PGLYRP4: variants seen among roughly 807,000 people sequenced by gnomAD.
The protein encoded by PGLYRP4 is PGRP-I-beta.
In PGLYRP4, 39 loss-of-function variants were observed where a neutral mutation model predicts 41.2. That is an observed-to-expected ratio of 0.95 (90% CI 0.73 to 1.24). The LOEUF is 1.24. PGLYRP4 is among the 50% of genes most tolerant of loss of function. The pLI, the probability that PGLYRP4 is intolerant of heterozygous loss-of-function variation, is 0.00. For missense variants in PGLYRP4, 467 were observed against 460.7 expected, an observed-to-expected ratio of 1.01 and a Z score of -0.13; for synonymous variants, 202 against 186.8, an observed-to-expected ratio of 1.08 and a Z score of -0.66.
chr1:153,339,537 T>A (rs1014363758), intron 7 of PGLYRP4, among the ~76,000 whole-genome samples: 1 of 152,214 alleles, frequency 6.6e-6, no homozygotes, highest in Non-Finnish European at 1.5e-5. Flanking sequence ...CAGTAGCTTT[T>A]TCTGAGATTT....
At chr1:153,332,052 G>A (rs1388954090) in intron 8 of PGLYRP4, among the ~76,000 whole-genome samples, 6 of 152,056 alleles carry the variant, frequency 3.9e-5, no homozygotes, top group Non-Finnish European at 7.4e-5. Context: ...AAATCCAACT[G>A]TATGCTGCTT....
At chr1:153,340,644 G>A (rs1029126128) in intron 6 of PGLYRP4, 65 bp from the exon 7 acceptor site, 88 of 1,514,542 alleles carry the variant, frequency 5.8e-5, no homozygotes, top group Admixed American at 3.0e-4. Flanking sequence ...CTTCTCCACC[G>A]TAGGCTGATA....
At chr1:153,332,400 GAA>G (rs1394693100) in intron 8 of PGLYRP4, among the ~76,000 whole-genome samples, 1 of 151,978 alleles carries the variant, frequency 6.6e-6, no homozygotes, top group Non-Finnish European at 1.5e-5. Flanking sequence ...CTAGACCTAA[GAA>G]AAGAGATGAA....
rs923736360 is a variant in PGLYRP4 at position 153,330,520 on chromosome 1, G to C, written c.*247C>G. 2.7e-5 allele frequency: 8 copies of C among 297,136 alleles called. No homozygotes were observed. The highest frequency in any genetic ancestry group is 1.5e-4 in the African/African-American group (7 of 47,598). The allele number at this position is 297,136 out of a possible 1,614,324, so 18.4% of individuals were successfully genotyped here. On this transcript the variant is annotated 3_prime_UTR_variant, in exon 9 of 9. Coordinates refer to ENST00000359650, the MANE Select transcript of PGLYRP4 (RefSeq NM_020393.4). ...TGGCTGAGGAGTTGGGTTTCCAAGG[G>C]AGAGGAAGGTAAGGAGAGAAGAAAT...
intron 6 of PGLYRP4, among the ~76,000 whole-genome samples, chr1:153,341,383 G>A (rs961190900): frequency 3.3e-5 from 5 of 152,198 alleles, no homozygotes; most frequent in African/African-American, 9.7e-5. Flanking sequence ...AGAAAGGAGT[G>A]TGCATATATG....
At chr1:153,336,265 G>T (rs1303277100) in intron 8 of PGLYRP4, among the ~76,000 whole-genome samples, 2 of 149,742 alleles carry the variant, frequency 1.3e-5, no homozygotes, top group Non-Finnish European at 3.0e-5. Context: ...TAGCTACTCG[G>T]GAGGTTGAGG....
At position 153,346,116 on chromosome 1, in the gene PGLYRP4, T is replaced by C. The variant is rs1311610016; in HGVS notation, c.125A>G (p.Gln42Arg). ...ATCCAGTTTACCTTTTTCAGTGAGC[T>C]GGGAGATGTTCTCAAATAGGTACTG... ...GLQYLFENIS[Q>R]LTEKGLPTDV... The change falls in exon 3 of 9, where the codon CAG becomes CGG. Residue 42 changes from glutamine (Q) to arginine (R), a missense_variant. Physicochemically the swap from Gln to Arg is conservative, Grantham distance 43 (BLOSUM62 1). Transcript: ENST00000359650. The C allele has an allele frequency of 6.2e-7, 1 of 1,612,710 alleles. No homozygotes were observed.
chr1:153,344,939 C>T, intron 4 of PGLYRP4: 1 of 528,030 alleles, frequency 1.9e-6, no homozygotes, highest in South Asian at 2.2e-5. Flanking sequence ...GTAGAGAATA[C>T]AGTTATTACT....
chr1:153,341,645 T>G lies in PGLYRP4; in HGVS notation c.607A>C (p.Lys203Gln). Residue 203 changes from lysine (K) to glutamine (Q), a missense_variant, in exon 6 of 9, where the codon AAG becomes CAG. Lys to Gln is a moderately conservative substitution (Grantham distance 53). Transcript: ENST00000359650. ...GTCTTACCCTTCTTCAGGCTTGTCT[T>G]CTGCCGAGGGGCCAGGCAGTTCTCG... ...KGENCLAPRQ[K>Q]TSLKKACPGV... 1 of 1,612,966 alleles carries G rather than the reference T, an allele frequency of 6.2e-7. No homozygotes were observed. Among genetic ancestry groups the G allele is most frequent in the East Asian group, 2.2e-5 (1 of 44,880 alleles).
At chr1:153,331,028 A>G (rs1660315113) in intron 8 of PGLYRP4, 83 bp from the exon 9 acceptor site, 1 of 1,164,414 alleles carries the variant, frequency 8.6e-7, no homozygotes, top group South Asian at 1.7e-5. Flanking sequence ...CACCCTCATC[A>G]CCAAGCTAAT....
chr1:153,331,455 C>T (rs1476700616), intron 8 of PGLYRP4, among the ~76,000 whole-genome samples: 1 of 152,196 alleles, frequency 6.6e-6, no homozygotes, highest in Non-Finnish European at 1.5e-5. Flanking sequence ...TAGCTCAATG[C>T]TCAGCCCAGT....
rs771696153 is a variant in PGLYRP4 at position 153,346,208 on chromosome 1, C to T, written c.50-17G>A. 35 of 1,593,860 alleles carry T rather than the reference C, an allele frequency of 2.2e-5. No homozygotes were observed. In the East Asian group the frequency reaches 7.6e-4, roughly 35 times the overall value. ...AGGAATCACCTGCAAAGGAATATCC[C>T]ATTTTGCATCAGAGAGCACCAATAC... On this transcript the variant is annotated splice_polypyrimidine_tract_variant and intron_variant, in intron 2 of 8. Coordinates refer to ENST00000359650, the MANE Select transcript of PGLYRP4 (RefSeq NM_020393.4).
chr1:153,346,076 C>A, intron 3 of PGLYRP4, 26 bp downstream of exon 3: 1 of 1,548,890 alleles, frequency 6.5e-7, no homozygotes, highest in Non-Finnish European at 8.9e-7. Flanking sequence ...GTCCCAAAAC[C>A]CCCTTACTAT....
At position 153,343,147 on chromosome 1, in the gene PGLYRP4, G is replaced by A. The variant is rs779521753; in HGVS notation, c.415C>T (p.His139Tyr). ...GAGATGTTGTTGTAGCCTTGGGTGT[G>A]CACTCCTTGGATATTCCAGCCAACA... is the stretch of plus-strand genomic sequence containing the variant. ...EGVGWNIQGV[H>Y]TQGYNNISLG... Residue 139 changes from histidine to tyrosine, a missense_variant, in exon 5 of 9, where the codon CAC becomes TAC. By Grantham distance (83) the His-to-Tyr change is moderately conservative. Transcript: ENST00000359650. 6.2e-7 allele frequency: 1 copy of A among 1,613,892 alleles called. No individual in the cohort carries two copies. Among genetic ancestry groups the A allele is most frequent in the Admixed American group, 1.7e-5 (1 of 60,018 alleles).
intron 7 of PGLYRP4, among the ~76,000 whole-genome samples, chr1:153,339,455 C>T (rs550289846): frequency 1.0e-3 from 156 of 152,288 alleles, no homozygotes; most frequent in African/African-American, 3.6e-3. Flanking sequence ...GTAAATTCAT[C>T]GCTAAGCCAT....
chr1:153,344,726 G>A (rs73016409), intron 4 of PGLYRP4, among the ~76,000 whole-genome samples: 1,935 of 152,274 alleles, frequency 0.013, 51 homozygotes, highest in East Asian at 0.065. Context: ...GGAGGAGCAC[G>A]CCAGGGATGA....
chr1:153,342,134 A>G (rs1305741595), intron 5 of PGLYRP4, among the ~76,000 whole-genome samples: 6 of 152,186 alleles, frequency 3.9e-5, no homozygotes, highest in Non-Finnish European at 7.3e-5. Flanking sequence ...ACAATAACTC[A>G]TTTAATCAGC....
intron 2 of PGLYRP4, among the ~76,000 whole-genome samples, chr1:153,347,596 T>C (rs986204984): frequency 1.2e-4 from 19 of 152,126 alleles, no homozygotes; most frequent in African/African-American, 4.3e-4. Context: ...ATGGTCTCGA[T>C]CTCTTAACCT....
chr1:153,348,063 C>T (rs1258217204), intron 1 of PGLYRP4, 85 bp from the exon 2 acceptor site: 7 of 717,168 alleles, frequency 9.8e-6, no homozygotes, highest in Non-Finnish European at 1.7e-5. Flanking sequence ...GTGCCATCTG[C>T]CTCCTCTACC....
Sources: allele counts gnomAD v4.1 joint callset (sites outside exome capture counted in the v4.1 genomes callset), GRCh38; gene constraint gnomAD v4.1.1; transcripts MANE v1.5; gene names NCBI Gene and HGNC (gene_info 2026-07-23, HGNC 2026-07-21).